Variants in ATXN7L2 observed in about 807,000 individuals in gnomAD.
ATXN7L2 encodes ataxin 7 like 2.
In ATXN7L2, 17 loss-of-function variants were observed where a neutral mutation model predicts 59.6. The observed-to-expected ratio is 0.29, with a 90% CI of 0.20 to 0.43. The LOEUF is 0.43. Among genes scored for constraint, ATXN7L2 ranks in the 20% least tolerant of loss-of-function variants. ATXN7L2 has a pLI of 1.00. For missense variants in ATXN7L2, 858 were observed against 1,008.9 expected (o/e 0.85, Z 2.03); for synonymous variants, 378 against 392.5 (o/e 0.96, Z 0.44).
intron 10 of ATXN7L2, 119 bp from the exon 11 acceptor site, chr1:109,492,467 C>T: frequency 7.3e-7 from 1 of 1,372,262 alleles, no homozygotes. Context: ...CTCAGTTTTA[C>T]TCACCAGGCC....
rs748634387 is a variant in ATXN7L2, at chr1:109,491,720, A to G, written c.2250+3A>G. 12 of 1,583,720 alleles carry G rather than the reference A, an allele frequency of 7.6e-6. No homozygotes were observed. The African/African-American group carries it at 1.5e-4, about 20-fold the overall frequency. On this transcript the variant is annotated splice_donor_region_variant and intron_variant, in intron 10 of 10. Transcript: ENST00000683729. The surrounding 1 kb of genome is among the most constrained non-coding windows in gnomAD (Gnocchi z 4.1). ...AGGAGAAGTGCTCTACACTGAAGGT[A>G]CCAGCCAGGCTCCCTGAAGATTGAT...
Position 109,487,204 on chromosome 1 carries a change from A to G in ATXN7L2, c.496A>G (p.Lys166Glu). 6.4e-7 allele frequency: 1 copy of G among 1,564,108 alleles called. No homozygotes were observed. The highest frequency in any genetic ancestry group is 1.2e-5 in the South Asian group (1 of 85,124). The stretch of plus-strand genomic sequence containing the variant: ...CCACCAGCCTCCTGAGAAGACCCAG[A>G]AGGACAACCTCTGGTAAGGAGAGGC... ...RGHQPPEKTQ[K>E]DNLCLFVPVV... Residue 166 changes from lysine to glutamate, a missense_variant, in exon 4 of 11, where the codon AAG (lysine) becomes GAG (glutamate). Lys to Glu is a moderately conservative substitution (Grantham distance 56, BLOSUM62 1). This residue lies in a region of ATXN7L2 where 734 missense variants were observed against 862.3 expected (regional missense o/e 0.85). Transcript: ENST00000683729.
In ATXN7L2 at chr1:109,487,105, G is replaced by T. The variant is rs573541171; in HGVS notation, c.397G>T (p.Gly133Cys). ...GAAATGCCATGTAGTGAATGGGCAGGGCCCAGCTTGTAGGGCCCCAGGTTC... is the reference window on the plus strand; with the variant it reads ...GAAATGCCATGTAGTGAATGGGCAGTGCCCAGCTTGTAGGGCCCCAGGTTC... ...SQKCHVVNGQ[G>C]PACRAPGSTK... The change falls in exon 4 of 11, where the codon GGC becomes TGC. Residue 133 changes from glycine to cysteine, a missense_variant. Coordinates refer to ENST00000683729, the MANE Select transcript of ATXN7L2 (RefSeq NM_001350175.2). 6.2e-7 allele frequency: 1 copy of T among 1,612,850 alleles called. No homozygotes were observed. Among genetic ancestry groups the T allele is most frequent in the African/African-American group, 1.3e-5 (1 of 74,968 alleles).
intron 10 of ATXN7L2, among the ~76,000 whole-genome samples, 180 bp from the exon 11 acceptor site, chr1:109,492,406 G>C (rs1228487130): frequency 6.6e-6 from 1 of 152,176 alleles, no homozygotes; most frequent in Non-Finnish European, 1.5e-5. Context: ...GTGTTCTCCA[G>C]CTTCACTACC....
At position 109,488,462 on chromosome 1, in the gene ATXN7L2, C is replaced by T; in HGVS notation, c.876C>T (p.Cys292=). The change falls in exon 6 of 11, where the codon TGC becomes TGT. Residue 292 remains cysteine, a synonymous_variant. Coordinates refer to ENST00000683729, the MANE Select transcript of ATXN7L2 (RefSeq NM_001350175.2). This position sits in a 1 kb window ranked among gnomAD's most constrained non-coding sequence, Gnocchi z 5.0. ...AGATCTGTACCCGCCTGTTGACCTG[C>T]AAGGTAACCCCCTTCCCACTGCACG... The part of the protein sequence containing the change: ...TKKICTRLLT[C]KIHSVHQRRE... 1 of 1,608,180 alleles carries T rather than the reference C, an allele frequency of 6.2e-7. No homozygotes were observed. Among genetic ancestry groups the T allele is most frequent in the Non-Finnish European group, 8.5e-7 (1 of 1,176,404 alleles).
At position 109,491,733 on chromosome 1, in the gene ATXN7L2, C is replaced by T; in HGVS notation, c.2250+16C>T. On this transcript the variant is annotated intron_variant, in intron 10 of 10. Transcript: ENST00000683729. The surrounding 1 kb of genome is among the most constrained non-coding windows in gnomAD (Gnocchi z 4.1). ...TACACTGAAGGTACCAGCCAGGCTC[C>T]CTGAAGATTGATGAGGGTGGGGCAC... is the stretch of plus-strand genomic sequence containing the variant. 6.4e-7 allele frequency: 1 copy of T among 1,568,966 alleles called. No individual in the cohort carries two copies.
Position 109,488,821 on chromosome 1 carries a change from C to G in ATXN7L2, c.880-26C>G. The G allele has an allele frequency of 6.2e-7, 1 of 1,603,334 alleles. No individual in the cohort carries two copies. ...CCCTTCTCAGTTCATACCTACTCCC[C>G]AGCTCTCCACTCTGCTGTATTCTAG... On this transcript the variant is annotated intron_variant, in intron 6 of 10. Coordinates refer to ENST00000683729, the MANE Select transcript of ATXN7L2 (RefSeq NM_001350175.2). This position sits in a 1 kb window ranked among gnomAD's most constrained non-coding sequence, Gnocchi z 5.0.
At position 109,488,726 on chromosome 1, in the gene ATXN7L2, G is replaced by A. The variant is rs1447651397; in HGVS notation, c.880-121G>A. ...AATGAAACAAAGACACATGAACACA[G>A]CTGCAAATATGCCCACCTCTCTCCC... On this transcript the variant is annotated intron_variant, in intron 6 of 10. Coordinates refer to ENST00000683729, the MANE Select transcript of ATXN7L2 (RefSeq NM_001350175.2). This position sits in a 1 kb window ranked among gnomAD's most constrained non-coding sequence, Gnocchi z 5.0. The A allele has an allele frequency of 4.6e-6, 6 of 1,303,954 alleles. 1 individual carries two copies. In the South Asian group the frequency reaches 8.4e-5, roughly 18 times the overall value. 80.8% of individuals were successfully genotyped at this position (1,303,954 alleles called of 1,614,324 possible).
chr1:109,491,639 T>G lies in ATXN7L2; in HGVS notation c.2172T>G (p.Pro724=). ...VKAKHCQAGA[P]ADVACSVRRK... The stretch of plus-strand genomic sequence containing the variant: ...CCAAGCACTGTCAGGCTGGTGCCCC[T>G]GCTGATGTGGCCTGCTCTGTGCGCC... The change falls in exon 10 of 11, where the codon CCT becomes CCG. Residue 724 remains proline, a synonymous_variant. Coordinates refer to ENST00000683729, the MANE Select transcript of ATXN7L2 (RefSeq NM_001350175.2). The surrounding 1 kb of genome is among the most constrained non-coding windows in gnomAD (Gnocchi z 4.1). The G allele has an allele frequency of 6.2e-7, 1 of 1,613,192 alleles. No individual in the cohort carries two copies. Among genetic ancestry groups the G allele is most frequent in the Middle Eastern group, 1.7e-4 (1 of 5,836 alleles).
In ATXN7L2 at chr1:109,489,117, A is replaced by C; in HGVS notation, c.1133+17A>C. On this transcript the variant is annotated intron_variant, in intron 7 of 10. Transcript: ENST00000683729. ...ACTGCCCAGGTACGTCTAGAATCCA[A>C]CCCCTACCTCACCTGGGGGTACTTG... is the stretch of plus-strand genomic sequence containing the variant. 6.2e-7 allele frequency: 1 copy of C among 1,600,390 alleles called. No individual in the cohort carries two copies.
downstream of ATXN7L2, chr1:109,492,742 T>C: frequency 1.1e-6 from 1 of 914,548 alleles, no homozygotes; most frequent in East Asian, 2.8e-5. Flanking sequence ...CAAGACTGTC[T>C]CCCTGTTCTG....
In ATXN7L2 at chr1:109,486,816, T is replaced by C. The variant is rs1557868404; in HGVS notation, c.299-191T>C. Among the ~76,000 whole-genome samples, 1 of 152,176 alleles carries C rather than the reference T, an allele frequency of 6.6e-6. No individual in the cohort carries two copies. The highest frequency in any genetic ancestry group is 1.5e-5 in the Non-Finnish European group (1 of 68,030). On this transcript the variant is annotated intron_variant, in intron 3 of 10. Transcript: ENST00000683729. This position sits in a 1 kb window ranked among gnomAD's most constrained non-coding sequence, Gnocchi z 4.3. ...CATCCAGTGGAATTACGGGAGGAGT[T>C]AAGACATTCAGGAAGCTGGGTCTTG...
chr1:109,486,323 G>A lies in ATXN7L2; in HGVS notation c.194-183G>A, dbSNP rs971747302. On this transcript the variant is annotated intron_variant, in intron 2 of 10. Transcript: ENST00000683729. The surrounding 1 kb of genome is among the most constrained non-coding windows in gnomAD (Gnocchi z 4.3). ...ATCATAGGTGATTGCCCACTCACCT[G>A]AAAGCGTATACCCTTTGGGACTGCT... The A allele has an allele frequency of 1.8e-5, 17 of 961,396 alleles. No homozygotes were observed. The highest frequency in any genetic ancestry group is 1.9e-5 in the Non-Finnish European group (13 of 667,386). The allele number at this position is 961,396 out of a possible 1,614,324, so 59.6% of individuals were successfully genotyped here.
intron 9 of ATXN7L2, 115 bp downstream of exon 9, chr1:109,490,507 A>C: frequency 7.0e-7 from 1 of 1,418,782 alleles, no homozygotes; most frequent in Non-Finnish European, 9.4e-7. Flanking sequence ...TGCCTTGGCT[A>C]TTTGCCAGCA....
chr1:109,492,736 A>G (rs1657201441), downstream of ATXN7L2: 2 of 1,004,804 alleles, frequency 2.0e-6, no homozygotes, highest in Non-Finnish European at 2.9e-6. Flanking sequence ...ATACCTCAAG[A>G]CTGTCTCCCT....
Position 109,490,113 on chromosome 1 carries a change from C to T in ATXN7L2, c.1317C>T (p.Pro439=), listed in dbSNP as rs1656925151. 1.3e-6 allele frequency: 2 copies of T among 1,574,442 alleles called. No homozygotes were observed. Among genetic ancestry groups the T allele is most frequent in the African/African-American group, 2.7e-5 (2 of 73,804 alleles). Residue 439 remains proline, a synonymous_variant, in exon 8 of 11, where the codon CCC becomes CCT. Coordinates refer to ENST00000683729, the MANE Select transcript of ATXN7L2 (RefSeq NM_001350175.2). ...CTGACTGCCATTATGCAACCCGGCCCCCACGGCCACAGGCGGTAAGGACCT... is the reference window on the plus strand; with the variant it reads ...CTGACTGCCATTATGCAACCCGGCCTCCACGGCCACAGGCGGTAAGGACCT... ...PPPDCHYATR[P]PRPQAFCTFG... is the part of the protein sequence containing the mutation.
chr1:109,492,502 C>T, intron 10 of ATXN7L2, 84 bp from the exon 11 acceptor site: 1 of 1,567,234 alleles, frequency 6.4e-7, no homozygotes, highest in South Asian at 1.1e-5. Flanking sequence ...AAGCTTTAGC[C>T]TCTGTAGTGC....
At position 109,484,016 on chromosome 1, in the gene ATXN7L2, C is replaced by G. The variant is rs775952170; in HGVS notation, c.63C>G (p.Leu21=). 4.2e-6 allele frequency: 6 copies of G among 1,437,718 alleles called. No individual in the cohort carries two copies. Among genetic ancestry groups the G allele is most frequent in the African/African-American group, 1.5e-5 (1 of 68,892 alleles). 89.1% of individuals were successfully genotyped at this position (1,437,718 alleles called of 1,614,324 possible). A position where few individuals can be genotyped will look rare whatever the true frequency, so the allele number is the denominator to read the frequency against. The part of the protein sequence containing the change: ...MAALERRVPS[L]DDFAGQSWSS... ...CTCTGGAGCGGCGGGTGCCGAGTCT[C>G]GATGACTTCGCGGGACAGAGCTGGA... The change falls in exon 1 of 11, where the codon CTC becomes CTG. Residue 21 remains leucine, a synonymous_variant. Transcript: ENST00000683729.
Position 109,486,171 on chromosome 1 carries a change from C to G in ATXN7L2, c.193+49C>G. 6 of 1,514,122 alleles carry G rather than the reference C, an allele frequency of 4.0e-6. No individual in the cohort carries two copies. Among genetic ancestry groups the G allele is most frequent in the Non-Finnish European group, 5.3e-6 (6 of 1,133,388 alleles). 93.8% of individuals were successfully genotyped at this position (1,514,122 alleles called of 1,614,324 possible). ...CTGGGACCCAGGGCAGACAGGACCA[C>G]GCTCCACTTTTCCACCACACTACAG... On this transcript the variant is annotated intron_variant, in intron 2 of 10. Coordinates refer to ENST00000683729, the MANE Select transcript of ATXN7L2 (RefSeq NM_001350175.2). The surrounding 1 kb of genome is among the most constrained non-coding windows in gnomAD (Gnocchi z 4.3).
Sources: allele counts gnomAD v4.1 joint callset (sites outside exome capture counted in the v4.1 genomes callset), GRCh38; gene constraint gnomAD v4.1.1; regional missense constraint gnomAD v4.1.1; non-coding constraint Gnocchi (gnomAD v3.1); transcripts MANE v1.5; gene names NCBI Gene and HGNC (gene_info 2026-07-23, HGNC 2026-07-21).